SNAP91: variants seen among roughly 807,000 people sequenced by gnomAD.
The protein encoded by SNAP91 is clathrin coat assembly protein AP180.
SNAP91 carries 27 observed loss-of-function variants against 100.3 expected under a neutral mutation model. That is an observed-to-expected ratio of 0.27 (90% CI 0.20 to 0.37). SNAP91 has a LOEUF of 0.37. Among genes scored for constraint, SNAP91 ranks in the 10% least tolerant of loss-of-function variants. The pLI is 1.00. For missense variants in SNAP91, 986 were observed against 1,123.7 expected, an observed-to-expected ratio of 0.88 and a Z score of 1.75; for synonymous variants, 404 against 398.6, an observed-to-expected ratio of 1.01 and a Z score of -0.16.
intron 8 of SNAP91, among the ~76,000 whole-genome samples, chr6:83,629,742 A>G (rs564035190): frequency 6.6e-6 from 1 of 152,174 alleles, no homozygotes; most frequent in South Asian, 2.1e-4. Context: ...TATCAGGTCT[A>G]AGAGCTTTCT....
intron 13 of SNAP91, 128 bp downstream of exon 13, chr6:83,607,571 T>C: frequency 1.8e-6 from 1 of 548,616 alleles, no homozygotes; most frequent in South Asian, 2.9e-5. Flanking sequence ...GTACTTTGTG[T>C]AGTAAAAACT....
In SNAP91 at chr6:83,588,156, A is replaced by T. The variant is rs956345601; in HGVS notation, c.2014+3055T>A. 3.3e-5 allele frequency among the ~76,000 whole-genome samples: 5 copies of T among 152,194 alleles called. No homozygotes were observed. The East Asian group carries it at 9.6e-4, about 29-fold the overall frequency. ...TTATATCAGGATATAAGGTGAAATA[A>T]TATTTCACATTGTGCCAAATAAATC... is the stretch of plus-strand genomic sequence containing the variant. On this transcript the variant is annotated intron_variant, in intron 22 of 29. Transcript: ENST00000369694.
chr6:83,662,558 G>C (rs1057256862), intron 3 of SNAP91, 136 bp from the exon 4 acceptor site: 11 of 366,904 alleles, frequency 3.0e-5, no homozygotes, highest in Non-Finnish European at 5.5e-5. Flanking sequence ...TTCCTAGAAT[G>C]CTGAATTTCT....
intron 2 of SNAP91, among the ~76,000 whole-genome samples, chr6:83,667,501 C>CT (rs971139944): frequency 6.6e-6 from 1 of 151,146 alleles, no homozygotes; most frequent in African/African-American, 2.4e-5. Flanking sequence ...CTTTTCACTG[C>CT]TTTTTTTTGA....
At chr6:83,620,647 A>G (rs147255723) in intron 9 of SNAP91, among the ~76,000 whole-genome samples, 2 of 152,272 alleles carry the variant, frequency 1.3e-5, no homozygotes, top group East Asian at 3.9e-4. Context: ...CAGTATTAAG[A>G]AATTTCAGAA....
intron 7 of SNAP91, among the ~76,000 whole-genome samples, chr6:83,648,826 T>C (rs1309192340): frequency 1.3e-5 from 2 of 152,208 alleles, no homozygotes. Context: ...ACTGAGTTCT[T>C]TTATTTGTTC....
intron 2 of SNAP91, among the ~76,000 whole-genome samples, chr6:83,675,618 T>C (rs2098853380): frequency 6.6e-6 from 1 of 152,112 alleles, no homozygotes; most frequent in Non-Finnish European, 1.5e-5. Context: ...ATATCACAGT[T>C]ATTGAGTTAA....
chr6:83,593,432 C>A, intron 18 of SNAP91, 46 bp downstream of exon 18: 1 of 1,542,154 alleles, frequency 6.5e-7, no homozygotes, highest in Non-Finnish European at 8.8e-7. Context: ...GATCAGAATT[C>A]AATCCACTAG....
chr6:83,586,114 C>T (rs1437326924), intron 22 of SNAP91, among the ~76,000 whole-genome samples: 1 of 152,164 alleles, frequency 6.6e-6, no homozygotes, highest in Non-Finnish European at 1.5e-5. Context: ...TCACAAAGTG[C>T]TGGGATTATA....
intron 2 of SNAP91, chr6:83,679,013 T>A: frequency 2.5e-6 from 1 of 393,250 alleles, no homozygotes; most frequent in Non-Finnish European, 3.9e-6. Flanking sequence ...TCAACCAAAC[T>A]CAGATGGAAA....
chr6:83,629,306 G>T (rs2097108172), intron 8 of SNAP91, among the ~76,000 whole-genome samples: 1 of 152,096 alleles, frequency 6.6e-6, no homozygotes, highest in South Asian at 2.1e-4. Flanking sequence ...GATGCCTCCA[G>T]ATTTGTTCTT....
chr6:83,561,048 T>C, intron 26 of SNAP91, 101 bp from the exon 27 acceptor site: 2 of 804,444 alleles, frequency 2.5e-6, no homozygotes, highest in Non-Finnish European at 3.8e-6. Context: ...TTGGTATTTA[T>C]TTATTTATTT....
At chr6:83,582,841 A>G (rs1830348285) in intron 22 of SNAP91, among the ~76,000 whole-genome samples, 1 of 152,208 alleles carries the variant, frequency 6.6e-6, no homozygotes, top group South Asian at 2.1e-4. Context: ...TGTTACCACC[A>G]GTGCAGGCCC....
chr6:83,686,535 A>C (rs982406311), intron 2 of SNAP91, among the ~76,000 whole-genome samples: 28 of 152,324 alleles, frequency 1.8e-4, no homozygotes, highest in African/African-American at 6.5e-4. Flanking sequence ...CAGCTAATAA[A>C]TTACTGAAAT....
At chr6:83,647,092 T>G (rs2097954992) in intron 7 of SNAP91, among the ~76,000 whole-genome samples, 1 of 145,332 alleles carries the variant, frequency 6.9e-6, no homozygotes. Flanking sequence ...TTTTTTTTTG[T>G]CGATTCTTTT....
At chr6:83,562,569 G>A (rs1789634474) in intron 26 of SNAP91, among the ~76,000 whole-genome samples, 1 of 151,986 alleles carries the variant, frequency 6.6e-6, no homozygotes, top group African/African-American at 2.4e-5. Flanking sequence ...GTTCCTTAAG[G>A]TGGTCATCTA....
At chr6:83,579,484 C>G (rs748848886) in intron 24 of SNAP91, among the ~76,000 whole-genome samples, 1 of 152,162 alleles carries the variant, frequency 6.6e-6, no homozygotes, top group Non-Finnish European at 1.5e-5. Flanking sequence ...TGTCCACAGG[C>G]AAATTCACAG....
chr6:83,582,167 A>G (rs1365503162), intron 23 of SNAP91, 55 bp downstream of exon 23: 1 of 1,589,666 alleles, frequency 6.3e-7, no homozygotes, highest in African/African-American at 1.3e-5. Flanking sequence ...CTTAGGTAGT[A>G]CTTTTTTTTA....
chr6:83,613,280 A>G (rs1222708964), intron 11 of SNAP91, among the ~76,000 whole-genome samples: 1 of 152,224 alleles, frequency 6.6e-6, no homozygotes, highest in Non-Finnish European at 1.5e-5. Flanking sequence ...GAAGGAACTC[A>G]TCCCATTGTT....
Sources: allele counts gnomAD v4.1 joint callset (sites outside exome capture counted in the v4.1 genomes callset), GRCh38; gene constraint gnomAD v4.1.1; transcripts MANE v1.5; gene names NCBI Gene and HGNC (gene_info 2026-07-23, HGNC 2026-07-21).